RGS12: variants seen among roughly 807,000 people sequenced by gnomAD.
RGS12 encodes regulator of G-protein signaling 12.
A neutral mutation model predicts 120.1 loss-of-function variants in RGS12; 66 were observed. The ratio of observed to expected loss-of-function variants is 0.55; its 90% CI spans 0.45 to 0.67. The LOEUF (loss-of-function observed/expected upper bound fraction) is 0.67, where lower values mean the gene tolerates loss of function less well. Among genes scored for constraint, RGS12 ranks in the 30% least tolerant of loss-of-function variants. The pLI is 0.00. For synonymous variants in RGS12, 827 were observed against 804.7 expected, an observed-to-expected ratio of 1.03 and a Z score of -0.47; for missense variants, 1,859 against 1,957.7, an observed-to-expected ratio of 0.95 and a Z score of 0.95.
rs925400775 is a variant in RGS12 at position 3,422,579 on chromosome 4, C to G, written c.3033+9C>G. 6.2e-7 allele frequency: 1 copy of G among 1,607,370 alleles called. No individual in the cohort carries two copies. Among genetic ancestry groups the G allele is most frequent in the African/African-American group, 1.3e-5 (1 of 74,868 alleles). On this transcript the variant is annotated intron_variant, in intron 11 of 17. Coordinates refer to ENST00000336727, the MANE Select transcript of RGS12 (RefSeq NM_001394154.1). ...TGGTGGGCGGGGACAAGGTACTGGG[C>G]CCGCCTGACCCTCGTGCTGCCCTCA...
In RGS12 at chr4:3,422,695, C is replaced by T. The variant is rs151183994; in HGVS notation, c.3033+125C>T. 1.7e-3 allele frequency: 1,953 copies of T among 1,165,930 alleles called. 25 individuals are homozygous for T. The African/African-American group carries it at 0.026, about 16-fold the overall frequency. 72.2% of individuals were successfully genotyped at this position (1,165,930 alleles called of 1,614,324 possible). A position where few individuals can be genotyped will look rare whatever the true frequency, so the allele number is the denominator to read the frequency against. On this transcript the variant is annotated intron_variant, in intron 11 of 17. Coordinates refer to ENST00000336727, the MANE Select transcript of RGS12 (RefSeq NM_001394154.1). ...CTCCTCATTTCAACAGCGCCTGGGG[C>T]GGAGGCCGGATTATCTGAACTGAGC...
chr4:3,290,647 T>G (rs1335028806), upstream of RGS12, among the ~76,000 whole-genome samples: 2 of 152,262 alleles, frequency 1.3e-5, no homozygotes, highest in Non-Finnish European at 2.9e-5. Context: ...GCCTATGAGC[T>G]GTGGGTAGGG....
chr4:3,357,733 T>G (rs1042826408), intron 3 of RGS12, among the ~76,000 whole-genome samples: 9 of 152,314 alleles, frequency 5.9e-5, no homozygotes, highest in African/African-American at 2.2e-4. Flanking sequence ...TGTGTATGTC[T>G]TTTTGCCAGT....
intron 15 of RGS12, 159 bp downstream of exon 15, chr4:3,428,328 T>G: frequency 2.4e-6 from 2 of 827,940 alleles, no homozygotes; most frequent in Non-Finnish European, 4.1e-6. Flanking sequence ...GATGCCCAGC[T>G]CCCTCTTACC....
chr4:3,317,643 GA>G lies in RGS12; in HGVS notation c.1474del (p.Thr492LeufsTer7). On this transcript the variant is annotated frameshift_variant, in exon 2 of 18. Transcript: ENST00000336727. LOFTEE classifies it high-confidence loss of function. Reference protein sequence around the residue: ...GSPPFEAAHQTDRFWDLNKHL... With the variant: ...GSPPFEAAHQXDRFWDLNKHL... ...GCCCCCCATTTGAGGCCGCTCATCAGACTGACAGGTTCTGGGACCTAAACAA... is the reference window on the plus strand; with the variant it reads ...GCCCCCCATTTGAGGCCGCTCATCAGCTGACAGGTTCTGGGACCTAAACAA... 6.3e-7 allele frequency: 1 copy of G among 1,595,530 alleles called. No individual in the cohort carries two copies. Among genetic ancestry groups the G allele is most frequent in the Non-Finnish European group, 8.6e-7 (1 of 1,168,544 alleles).
chr4:3,429,681 G>A (rs1268818536), intron 16 of RGS12, among the ~76,000 whole-genome samples: 2 of 152,242 alleles, frequency 1.3e-5, no homozygotes, highest in Non-Finnish European at 2.9e-5. Context: ...GGAGAGTTCT[G>A]GAGGAGCCAG....
In RGS12 at chr4:3,414,176, G is replaced by T. The variant is rs1722071294; in HGVS notation, c.2125G>T (p.Val709Phe). 3 of 1,553,334 alleles carry T rather than the reference G, an allele frequency of 1.9e-6. No individual in the cohort carries two copies. The highest frequency in any genetic ancestry group is 2.4e-5 in the East Asian group (1 of 41,880). ...CTGCCGGCGCCTGCGTGAGAGGAGG[G>T]TCGCCAGCTGGGCCGTGTCCTTTGA... ...QSCRRLRERR[V>F]ASWAVSFERL... Residue 709 changes from valine (V) to phenylalanine (F), a missense_variant, in exon 5 of 18, where the codon GTC becomes TTC. Physicochemically the swap from Val to Phe is conservative, Grantham distance 50. This residue lies in a region of RGS12 where 967 missense variants were observed against 994.2 expected (regional missense o/e 0.97). Transcript: ENST00000336727.
intron 16 of RGS12, among the ~76,000 whole-genome samples, 156 bp from the exon 17 acceptor site, chr4:3,430,251 T>C (rs1220956904): frequency 6.6e-6 from 1 of 152,132 alleles, no homozygotes; most frequent in East Asian, 1.9e-4. Context: ...CCGCTGTCTG[T>C]GGGAAGATAG....
intron 3 of RGS12, among the ~76,000 whole-genome samples, chr4:3,352,995 C>T (rs1482704965): frequency 6.6e-6 from 1 of 152,232 alleles, no homozygotes; most frequent in Non-Finnish European, 1.5e-5. Context: ...ACTCCTAAAA[C>T]TTTGCCGATG....
At chr4:3,401,673 C>G (rs368085180) in intron 4 of RGS12, among the ~76,000 whole-genome samples, 3 of 152,242 alleles carry the variant, frequency 2.0e-5, no homozygotes, top group East Asian at 1.9e-4. Context: ...TCTGGAACCA[C>G]GCCGTGAACC....
intron 2 of RGS12, among the ~76,000 whole-genome samples, chr4:3,322,885 C>T (rs927465810): frequency 5.3e-5 from 8 of 152,110 alleles, no homozygotes; most frequent in Admixed American, 2.0e-4. Flanking sequence ...GACTGCTGCC[C>T]GCAGAAGGTT....
At chr4:3,424,238 G>T (rs998792075) in intron 13 of RGS12, among the ~76,000 whole-genome samples, 8 of 152,282 alleles carry the variant, frequency 5.3e-5, no homozygotes, top group Non-Finnish European at 8.8e-5. Flanking sequence ...GGGGTTCCGG[G>T]CACAGTGTCT....
intron 17 of RGS12, among the ~76,000 whole-genome samples, chr4:3,432,870 T>C (rs1724457197): frequency 6.6e-6 from 1 of 152,178 alleles, no homozygotes; most frequent in Non-Finnish European, 1.5e-5. Context: ...CCATAGGTCG[T>C]AGGTGTGTGT....
At chr4:3,424,178 C>T (rs1210637515) in intron 13 of RGS12, among the ~76,000 whole-genome samples, 1 of 152,254 alleles carries the variant, frequency 6.6e-6, no homozygotes, top group Non-Finnish European at 1.5e-5. Context: ...GCTGGGCAGG[C>T]CACGCGAGAT....
chr4:3,293,890 CAGAG>C (rs1723205731), intron 1 of RGS12, among the ~76,000 whole-genome samples: 1 of 148,392 alleles, frequency 6.7e-6, no homozygotes, highest in African/African-American at 2.5e-5. Flanking sequence ...CTAGTGTAGA[CAGAG>C]AGGGGACCCA....
rs1183288894 is a variant in RGS12, at chr4:3,365,065, T to A, written c.1999-21351T>A. On this transcript the variant is annotated intron_variant, in intron 3 of 17. Coordinates refer to ENST00000336727, the MANE Select transcript of RGS12 (RefSeq NM_001394154.1). This position sits in a 1 kb window ranked among gnomAD's most constrained non-coding sequence, Gnocchi z 4.0. ...AGGGGCATCCTGGGTGACAGGAGGA[T>A]GAGGTGACGGCGGTTTGCAGGTTCC... is the stretch of plus-strand genomic sequence containing the variant. 6.6e-6 allele frequency among the ~76,000 whole-genome samples: 1 copy of A among 152,008 alleles called. No individual in the cohort carries two copies. Among genetic ancestry groups the A allele is most frequent in the African/African-American group, 2.4e-5 (1 of 41,384 alleles).
At chr4:3,292,409 A>T (rs1282509392), upstream of RGS12, among the ~76,000 whole-genome samples, 1 of 152,044 alleles carries the variant, frequency 6.6e-6, no homozygotes, top group African/African-American at 2.4e-5. Context: ...CGGGGCCCGG[A>T]GGGAACGGCC....
chr4:3,292,915 C>T (rs1450780317), upstream of RGS12: 17 of 150,450 alleles, frequency 1.1e-4, no homozygotes, highest in African/African-American at 3.6e-4. Context: ...CGCCCCGCCC[C>T]AACCCCACCC....
In RGS12 at chr4:3,439,578, C is replaced by T. The variant is rs373318269; in HGVS notation, c.4238C>T (p.Ser1413Leu). The T allele has an allele frequency of 4.4e-5, 71 of 1,611,260 alleles. 1 individual carries two copies. The highest frequency in any genetic ancestry group is 2.8e-4 in the South Asian group (25 of 90,874). The change falls in exon 18 of 18, where the codon TCG becomes TTG. Residue 1413 changes from serine (S) to leucine (L), a missense_variant. By Grantham distance (145) the Ser-to-Leu change is moderately radical. This residue lies in a region of RGS12 where 517 missense variants were observed against 488.5 expected (regional missense o/e 1.06). Transcript: ENST00000336727. The stretch of plus-strand genomic sequence containing the variant: ...GGGGCACAGGCTGGCCCTGGGAGGT[C>T]GCAGGCCAGTGGTGGGCCTCCTACA... ...IAGAQAGPGR[S>L]QASGGPPTSD...
Sources: allele counts gnomAD v4.1 joint callset (sites outside exome capture counted in the v4.1 genomes callset), GRCh38; gene constraint gnomAD v4.1.1; regional missense constraint gnomAD v4.1.1; non-coding constraint Gnocchi (gnomAD v3.1); transcripts MANE v1.5; gene names NCBI Gene and HGNC (gene_info 2026-07-23, HGNC 2026-07-21).